Variants in CXADR observed in about 807,000 individuals in gnomAD.
The protein encoded by CXADR is coxsackievirus and adenovirus receptor.
CXADR carries 20 observed loss-of-function variants against 40.3 expected under a neutral mutation model. That is an observed-to-expected ratio of 0.50 (90% CI 0.35 to 0.72). The LOEUF (loss-of-function observed/expected upper bound fraction) is 0.72. CXADR is among the 30% of genes least tolerant of loss of function. The pLI, the probability that CXADR is intolerant of heterozygous loss-of-function variation, is 0.01. For synonymous variants in CXADR, 150 were observed against 161.3 expected (o/e 0.93, Z 0.53); for missense variants, 332 against 449.1 (o/e 0.74, Z 2.36).
intron 7 of CXADR, among the ~76,000 whole-genome samples, chr21:17,584,949 ACTT>A (rs1299214689): frequency 5.3e-5 from 8 of 152,344 alleles, no homozygotes; most frequent in Non-Finnish European, 7.3e-5. Flanking sequence ...ATATTTTATC[ACTT>A]CTTCTTTAGA....
At chr21:17,586,809 A>G (rs1298770636) in intron 7 of CXADR, among the ~76,000 whole-genome samples, 1 of 152,162 alleles carries the variant, frequency 6.6e-6, no homozygotes, top group African/African-American at 2.4e-5. Context: ...ACATATGTAT[A>G]CATGTGCCGT....
At chr21:17,587,398 CTGT>C (rs1191938950) in intron 7 of CXADR, among the ~76,000 whole-genome samples, 1 of 152,144 alleles carries the variant, frequency 6.6e-6, no homozygotes, top group East Asian at 1.9e-4. Context: ...TCTCCAGCAC[CTGT>C]TGTTTCCTGA....
At chr21:17,536,442 T>G (rs766484311) in intron 1 of CXADR, among the ~76,000 whole-genome samples, 14 of 152,140 alleles carry the variant, frequency 9.2e-5, no homozygotes, top group Non-Finnish European at 1.9e-4. Context: ...ACCCCAGGGC[T>G]CCCTTCTCAT....
chr21:17,599,710 C>T, the CXADR span, among the ~76,000 whole-genome samples: 6 of 152,134 alleles, frequency 3.9e-5, no homozygotes, highest in African/African-American at 1.4e-4. Context: ...GAACTCCTGA[C>T]CTCAGGTGAT....
downstream of CXADR, chr21:17,594,262 C>T (rs140021036): frequency 1.2e-5 from 19 of 1,613,046 alleles, no homozygotes; most frequent in Non-Finnish European, 1.5e-5. Flanking sequence ...GCCATTCCCT[C>T]GATACATTCC....
chr21:17,615,186 C>T, the CXADR span, among the ~76,000 whole-genome samples: 1 of 152,072 alleles, frequency 6.6e-6, no homozygotes, highest in Non-Finnish European at 1.5e-5. Flanking sequence ...ACTCTGTCTG[C>T]TCTCTTGCCA....
intron 3 of CXADR, among the ~76,000 whole-genome samples, chr21:17,555,935 G>T (rs904419468): frequency 6.6e-6 from 1 of 152,222 alleles, no homozygotes; most frequent in African/African-American, 2.4e-5. Context: ...CCTGTCTCAT[G>T]TAGGGATTTA....
At chr21:17,600,752 C>G in the CXADR span, among the ~76,000 whole-genome samples, 3,209 of 152,280 alleles carry the variant, frequency 0.021, 105 homozygotes, top group African/African-American at 0.071. Context: ...TAGATGAGTT[C>G]TATTTCTTCA....
intron 1 of CXADR, among the ~76,000 whole-genome samples, chr21:17,514,498 CT>C (rs1241352482): frequency 1.4e-5 from 2 of 147,826 alleles, no homozygotes; most frequent in Non-Finnish European, 3.0e-5. Context: ...ACCTTTCTTT[CT>C]TTTTTTTCTT....
At chr21:17,634,679 A>C in the CXADR span, among the ~76,000 whole-genome samples, 1 of 152,358 alleles carries the variant, frequency 6.6e-6, no homozygotes, top group South Asian at 2.1e-4. Context: ...AAGAAGCAAA[A>C]ACAGAAGTTT....
rs71333559 is a variant in CXADR, at chr21:17,568,557, CTTTT to C, written c.*2879_*2882del. 5 of 880,532 alleles carry C rather than the reference CTTTT, an allele frequency of 5.7e-6. No individual in the cohort carries two copies. Among genetic ancestry groups the C allele is most frequent in the Admixed American group, 6.9e-5 (1 of 14,416 alleles). 54.5% of individuals were successfully genotyped at this position (880,532 alleles called of 1,614,324 possible). A position where few individuals can be genotyped will look rare whatever the true frequency, so the allele number is the denominator to read the frequency against. Reference sequence around the variant, plus strand: ...TTACTGTAGAATATATAGTTCTGTACTTTTTTTTTTTTTTTTTAAGAGATAGGGT... The same window carrying C: ...TTACTGTAGAATATATAGTTCTGTACTTTTTTTTTTTTTAAGAGATAGGGT... On this transcript the variant is annotated 3_prime_UTR_variant, in exon 7 of 7. Transcript: ENST00000284878.
At chr21:17,572,757 GAA>G (rs10715827), downstream of CXADR, among the ~76,000 whole-genome samples, 4 of 145,920 alleles carry the variant, frequency 2.7e-5, no homozygotes, top group East Asian at 1.9e-4. Flanking sequence ...TAGTGTGGTT[GAA>G]AAAAAAAATA....
chr21:17,568,515 T>C lies in CXADR; in HGVS notation c.*2823T>C, dbSNP rs1467231334. 4 of 983,376 alleles carry C rather than the reference T, an allele frequency of 4.1e-6. No homozygotes were observed. The highest frequency in any genetic ancestry group is 4.8e-6 in the Non-Finnish European group (4 of 828,812). The allele number at this position is 983,376 out of a possible 1,614,324, so 60.9% of individuals were successfully genotyped here. A position where few individuals can be genotyped will look rare whatever the true frequency, so the allele number is the denominator to read the frequency against. ...ATCCATCTCTTTAGGTTACAGAGGA[T>C]AATTTGAAGAGAAATGTTACTGTAG... On this transcript the variant is annotated 3_prime_UTR_variant, in exon 7 of 7. Coordinates refer to ENST00000284878, the MANE Select transcript of CXADR (RefSeq NM_001338.5).
At chr21:17,548,063 T>C (rs2060921148) in intron 2 of CXADR, among the ~76,000 whole-genome samples, 1 of 152,106 alleles carries the variant, frequency 6.6e-6, no homozygotes, top group South Asian at 2.1e-4. Context: ...TTTAATTTTT[T>C]AAAAAGTTAA....
intron 3 of CXADR, among the ~76,000 whole-genome samples, chr21:17,555,456 C>T (rs2061022282): frequency 1.3e-5 from 2 of 152,180 alleles, no homozygotes; most frequent in African/African-American, 4.8e-5. Flanking sequence ...CATCTAATTT[C>T]CCCTAATGTT....
At position 17,566,316 on chromosome 21, in the gene CXADR, A is replaced by G. The variant is rs997045952; in HGVS notation, c.*624A>G. The G allele has an allele frequency of 1.0e-6, 1 of 984,266 alleles. No individual in the cohort carries two copies. The highest frequency in any genetic ancestry group is 1.7e-5 in the African/African-American group (1 of 57,214). The allele number at this position is 984,266 out of a possible 1,614,324, so 61.0% of individuals were successfully genotyped here. A position where few individuals can be genotyped will look rare whatever the true frequency, so the allele number is the denominator to read the frequency against. ...TTGTCTATGAAATGACTTCTTAAAT[A>G]TTTAGTTGATAGACTGCTACAGGTA... On this transcript the variant is annotated 3_prime_UTR_variant, in exon 7 of 7. Coordinates refer to ENST00000284878, the MANE Select transcript of CXADR (RefSeq NM_001338.5).
At chr21:17,524,314 A>G (rs1283439396) in intron 1 of CXADR, among the ~76,000 whole-genome samples, 3 of 151,626 alleles carry the variant, frequency 2.0e-5, no homozygotes, top group African/African-American at 7.3e-5. Flanking sequence ...TAATTCCAGC[A>G]CTTGTGGGAG....
At chr21:17,603,342 C>G in the CXADR span, among the ~76,000 whole-genome samples, 1 of 152,144 alleles carries the variant, frequency 6.6e-6, no homozygotes, top group South Asian at 2.1e-4. Flanking sequence ...TGCTCCTTTT[C>G]TACCCGAGAA....
chr21:17,522,322 A>G (rs1307578578), intron 1 of CXADR, among the ~76,000 whole-genome samples: 1 of 151,626 alleles, frequency 6.6e-6, no homozygotes, highest in Non-Finnish European at 1.5e-5. Context: ...GTAATTTTGT[A>G]TTTTTAGTAG....
Sources: allele counts gnomAD v4.1 joint callset (sites outside exome capture counted in the v4.1 genomes callset), GRCh38; gene constraint gnomAD v4.1.1; transcripts MANE v1.5; gene names NCBI Gene and HGNC (gene_info 2026-07-23, HGNC 2026-07-21).